Variants in KANK1 observed in about 807,000 individuals in gnomAD.
The protein encoded by KANK1 is KN motif and ankyrin repeat domains 1.
KANK1 carries 109 observed loss-of-function variants against 106.2 expected under a neutral mutation model. The ratio of observed to expected loss-of-function variants is 1.03; its 90% CI spans 0.88 to 1.20. The LOEUF (loss-of-function observed/expected upper bound fraction) is 1.20, where lower values mean the gene tolerates loss of function less well. Ranked by LOEUF, KANK1 falls within the 50% of genes most tolerant of loss-of-function variation. The pLI is 0.00. For missense variants in KANK1, 2,399 were observed against 1,710.7 expected, an observed-to-expected ratio of 1.40 and a Z score of -7.10; for synonymous variants, 873 against 652.2, an observed-to-expected ratio of 1.34 and a Z score of -5.16.
intron 3 of KANK1, among the ~76,000 whole-genome samples, chr9:714,876 C>T (rs1161428854): frequency 2.0e-5 from 3 of 152,192 alleles, no homozygotes; most frequent in Non-Finnish European, 2.9e-5. Flanking sequence ...CTTAGGACCA[C>T]ACTGCCTGGC....
rs35377139 is a variant in KANK1, at chr9:524,982, C to CTTTTTTTTTTTTTTTTTT, written c.-84+20233_-84+20250dup. 1.4e-4 allele frequency among the ~76,000 whole-genome samples: 13 copies of CTTTTTTTTTTTTTTTTTT among 91,958 alleles called. 2 individuals are homozygous for CTTTTTTTTTTTTTTTTTT. The highest frequency in any genetic ancestry group is 5.6e-4 in the African/African-American group (12 of 21,334). The allele number at this position is 91,958 out of a possible 152,430, so 60.3% of individuals were successfully genotyped here. On this transcript the variant is annotated intron_variant, in intron 1 of 11. Coordinates refer to ENST00000382297, the MANE Select transcript of KANK1 (RefSeq NM_015158.5). ...TTAGTCAATCCCAAACTCTTGCTGC[C>CTTTTTTTTTTTTTTTTTT]TTTTTTTTTTTTTTTTTTTTTTGAG... is the stretch of plus-strand genomic sequence containing the variant.
chr9:510,343 A>G (rs182801098), intron 1 of KANK1, among the ~76,000 whole-genome samples: 33 of 152,360 alleles, frequency 2.2e-4, no homozygotes, highest in African/African-American at 7.7e-4. Flanking sequence ...GGATCATACC[A>G]TTAAGTAGTT....
chr9:629,739 G>C (rs1240395442), intron 1 of KANK1, among the ~76,000 whole-genome samples: 1 of 152,134 alleles, frequency 6.6e-6, no homozygotes, highest in East Asian at 1.9e-4. Context: ...ATAACACCTT[G>C]TATACGTATG....
At chr9:697,679 A>G (rs575611789) in intron 2 of KANK1, among the ~76,000 whole-genome samples, 25 of 152,310 alleles carry the variant, frequency 1.6e-4, no homozygotes, top group African/African-American at 6.0e-4. Context: ...CTACATATTT[A>G]TTATAGCATG....
At chr9:678,017 G>A (rs1458881010) in intron 2 of KANK1, among the ~76,000 whole-genome samples, 6 of 152,142 alleles carry the variant, frequency 3.9e-5, no homozygotes, top group African/African-American at 1.4e-4. Flanking sequence ...GACAACAGCA[G>A]GAAGTGACCT....
intron 1 of KANK1, among the ~76,000 whole-genome samples, chr9:550,809 A>G (rs1256652508): frequency 6.6e-6 from 1 of 152,084 alleles, no homozygotes; most frequent in African/African-American, 2.4e-5. Context: ...ATTTCATTTC[A>G]TCCTATTTCT....
chr9:515,806 C>T (rs866257214), intron 1 of KANK1, among the ~76,000 whole-genome samples: 9 of 151,742 alleles, frequency 5.9e-5, no homozygotes, highest in African/African-American at 1.7e-4. Flanking sequence ...TGTGAGGCTT[C>T]GATGGCAGTG....
chr9:618,050 G>T lies in KANK1; in HGVS notation c.-83-58840G>T, dbSNP rs78921672. Among the ~76,000 whole-genome samples the T allele has an allele frequency of 1.1e-3, 165 of 152,260 alleles. 3 individuals are homozygous for T. The East Asian group carries it at 0.025, about 24-fold the overall frequency. On this transcript the variant is annotated intron_variant, in intron 1 of 11. Coordinates refer to ENST00000382297, the MANE Select transcript of KANK1 (RefSeq NM_015158.5). ...TAATATAATTTACCCTGCACACAAG[G>T]CAGTATCTTGAAGGTTATTTCAGTA...
intron 2 of KANK1, among the ~76,000 whole-genome samples, chr9:681,405 C>T (rs1817527754): frequency 6.6e-6 from 1 of 152,058 alleles, no homozygotes; most frequent in Admixed American, 6.6e-5. Flanking sequence ...AGGCAGTCTG[C>T]TTTTTCCCCA....
intron 1 of KANK1, among the ~76,000 whole-genome samples, chr9:565,033 G>C (rs1817475771): frequency 6.6e-6 from 1 of 152,180 alleles, no homozygotes; most frequent in African/African-American, 2.4e-5. Flanking sequence ...TTCACCATTA[G>C]ACAAATGTCA....
At chr9:491,336 C>T (rs2058374513) in intron 3 of KANK1, among the ~76,000 whole-genome samples, 1 of 150,704 alleles carries the variant, frequency 6.6e-6, no homozygotes, top group African/African-American at 2.5e-5. Context: ...GGCATGATCT[C>T]AGCTCACTGC....
Position 710,886 on chromosome 9 carries a change from A to T in KANK1, c.120A>T (p.Gln40His). ...TTGTGGAGACCCCCTATGGTTATCA[A>T]CTAGACTTAGATTTCCTCAAATATG... ...PYFVETPYGY[Q>H]LDLDFLKYVD... The change falls in exon 3 of 12, where the codon CAA becomes CAT. Residue 40 changes from glutamine (Q) to histidine (H), a missense_variant. Coordinates refer to ENST00000382297, the MANE Select transcript of KANK1 (RefSeq NM_015158.5). The T allele has an allele frequency of 1.2e-6, 2 of 1,614,182 alleles. No individual in the cohort carries two copies. Among genetic ancestry groups the T allele is most frequent in the Non-Finnish European group, 8.5e-7 (1 of 1,179,998 alleles).
At chr9:656,713 C>T (rs1315564473) in intron 1 of KANK1, among the ~76,000 whole-genome samples, 2 of 152,120 alleles carry the variant, frequency 1.3e-5, no homozygotes, top group Non-Finnish European at 2.9e-5. Context: ...TGTGCTTGTC[C>T]TAGCAGGAGA....
At chr9:700,050 C>T (rs1437907317) in intron 2 of KANK1, among the ~76,000 whole-genome samples, 15 of 152,180 alleles carry the variant, frequency 9.9e-5, no homozygotes, top group Admixed American at 9.8e-4. Context: ...TGGTGAATTG[C>T]AGTAGGCAGT....
At chr9:482,730 C>T (rs1284206629) in intron 3 of KANK1, among the ~76,000 whole-genome samples, 1 of 152,208 alleles carries the variant, frequency 6.6e-6, no homozygotes, top group Non-Finnish European at 1.5e-5. Flanking sequence ...TGGATGTAAG[C>T]AGCTGCCATC....
At position 730,236 on chromosome 9, in the gene KANK1, G is replaced by T. The variant is rs765606180; in HGVS notation, c.2884G>T (p.Ala962Ser). The change falls in exon 4 of 12, where the codon GCT (alanine) becomes TCT (serine). Residue 962 changes from alanine to serine, a missense_variant. Transcript: ENST00000382297. The stretch of plus-strand genomic sequence containing the variant: ...GAACCTGACAGACGACCAGATCGCC[G>T]CTGGCCTCTATGGTAACTTTTCTCA... Reference protein sequence around the residue: ...PVNLTDDQIAAGLYACTNNES... With the variant: ...PVNLTDDQIASGLYACTNNES... 3 of 1,614,144 alleles carry T rather than the reference G, an allele frequency of 1.9e-6. No individual in the cohort carries two copies. The highest frequency in any genetic ancestry group is 2.5e-6 in the Non-Finnish European group (3 of 1,180,002).
chr9:744,825 CAT>C, intron 11 of KANK1: 1 of 1,427,476 alleles, frequency 7.0e-7, no homozygotes, highest in Non-Finnish European at 9.1e-7. Context: ...CACAGCTTCC[CAT>C]AGAGGTTTTG....
intron 2 of KANK1, among the ~76,000 whole-genome samples, chr9:694,806 T>G (rs1820836289): frequency 6.6e-6 from 1 of 152,082 alleles, no homozygotes. Context: ...GCACTGGGGA[T>G]TGTTAGGTCA....
intron 1 of KANK1, among the ~76,000 whole-genome samples, chr9:586,812 A>AGTCCCTTTT (rs1823588833): frequency 6.6e-6 from 1 of 152,114 alleles, no homozygotes; most frequent in African/African-American, 2.4e-5. Context: ...CTAAAGCAAA[A>AGTCCCTTTT]GGGACTCTTT....
Sources: allele counts gnomAD v4.1 joint callset (sites outside exome capture counted in the v4.1 genomes callset), GRCh38; gene constraint gnomAD v4.1.1; transcripts MANE v1.5; gene names NCBI Gene and HGNC (gene_info 2026-07-23, HGNC 2026-07-21).